PCDHGA2: variants seen among roughly 807,000 people sequenced by gnomAD.
The protein encoded by PCDHGA2 is protocadherin gamma-A2.
PCDHGA2 carries 40 observed loss-of-function variants against 59.2 expected under a neutral mutation model. The observed-to-expected ratio is 0.68, with a 90% CI of 0.52 to 0.88. PCDHGA2 has a LOEUF of 0.88. PCDHGA2 is among the 40% of genes least tolerant of loss of function. The pLI is 0.00. For synonymous variants in PCDHGA2, 560 were observed against 526.0 expected (o/e 1.06, Z -0.89); for missense variants, 1,226 against 1,204.0 (o/e 1.02, Z -0.27).
chr5:141,364,847 A>G (rs572371084), intron 1 of PCDHGA2: 2 of 1,614,006 alleles, frequency 1.2e-6, no homozygotes, highest in Admixed American at 1.7e-5. Flanking sequence ...TTACCAGCTC[A>G]GCTCCAATCT....
chr5:141,417,839 C>A, intron 1 of PCDHGA2: 1 of 1,534,218 alleles, frequency 6.5e-7, no homozygotes, highest in South Asian at 1.2e-5. Flanking sequence ...AGCGGGGACC[C>A]AGCGAGAACC....
At chr5:141,437,197 G>A (rs535640562) in intron 1 of PCDHGA2, among the ~76,000 whole-genome samples, 69 of 152,330 alleles carry the variant, frequency 4.5e-4, no homozygotes, top group Non-Finnish European at 7.8e-4. Flanking sequence ...GGGTTTGGAT[G>A]TGTTTACATT....
At chr5:141,418,732 G>A (rs747081573) in intron 1 of PCDHGA2, 1 of 1,613,994 alleles carries the variant, frequency 6.2e-7, no homozygotes, top group Non-Finnish European at 8.5e-7. Flanking sequence ...CTCAGCACGT[G>A]TTCTCTCTGG....
At chr5:141,445,524 TA>T (rs1180348783) in intron 1 of PCDHGA2, among the ~76,000 whole-genome samples, 1 of 152,192 alleles carries the variant, frequency 6.6e-6, no homozygotes, top group Admixed American at 6.5e-5. Flanking sequence ...ACAGGTCTGA[TA>T]AAAGCCAACA....
Position 141,394,654 on chromosome 5 carries a change from C to G in PCDHGA2, c.2424+53259C>G, listed in dbSNP as rs372355655. On this transcript the variant is annotated intron_variant, in intron 1 of 3. Transcript: ENST00000394576. Reference sequence around the variant, plus strand: ...TACCGCCTGCTCAAGGCCAGCGAGCCGGGACTCTTCTCGGTGGGTCTGCAC... The same window carrying G: ...TACCGCCTGCTCAAGGCCAGCGAGCGGGGACTCTTCTCGGTGGGTCTGCAC... 47 of 1,613,236 alleles carry G rather than the reference C, an allele frequency of 2.9e-5. No homozygotes were observed. The African/African-American group carries it at 5.7e-4, about 20-fold the overall frequency.
At chr5:141,357,087 A>G in intron 1 of PCDHGA2, 2 of 1,613,882 alleles carry the variant, frequency 1.2e-6, no homozygotes, top group Non-Finnish European at 1.7e-6. Context: ...TGCGCACCGC[A>G]CGGGCCCTGC....
chr5:141,438,386 T>C (rs757664430), intron 1 of PCDHGA2, among the ~76,000 whole-genome samples: 1 of 151,778 alleles, frequency 6.6e-6, no homozygotes, highest in Admixed American at 6.6e-5. Flanking sequence ...AATTTCTTAG[T>C]TCATCATTAA....
At chr5:141,365,144 G>A (rs1763761233) in intron 1 of PCDHGA2, 1 of 1,613,746 alleles carries the variant, frequency 6.2e-7, no homozygotes, top group African/African-American at 1.3e-5. Context: ...TCCAGATGAG[G>A]GAATAAACGG....
chr5:141,458,059 T>A (rs533147047), intron 1 of PCDHGA2, among the ~76,000 whole-genome samples: 1 of 152,238 alleles, frequency 6.6e-6, no homozygotes, highest in Admixed American at 6.5e-5. Flanking sequence ...CTTGCTGCAC[T>A]GATGCGAACA....
intron 1 of PCDHGA2, chr5:141,414,187 T>A: frequency 6.2e-7 from 1 of 1,609,834 alleles, no homozygotes; most frequent in South Asian, 1.1e-5. Flanking sequence ...TGCAAAAGTG[T>A]TGATTACAGT....
intron 1 of PCDHGA2, among the ~76,000 whole-genome samples, chr5:141,397,112 A>G (rs2093474994): frequency 6.6e-6 from 1 of 152,258 alleles, no homozygotes; most frequent in African/African-American, 2.4e-5. Flanking sequence ...GCAATCCACT[A>G]GAATATCCCT....
chr5:141,421,863 C>T (rs767555107), intron 1 of PCDHGA2: 1 of 1,613,746 alleles, frequency 6.2e-7, no homozygotes, highest in Non-Finnish European at 8.5e-7. Flanking sequence ...ACCTGCTCCT[C>T]CTCACAGCTT....
chr5:141,394,864 C>T, intron 1 of PCDHGA2: 4 of 1,613,780 alleles, frequency 2.5e-6, no homozygotes, highest in Non-Finnish European at 3.4e-6. Context: ...TCGGTCGACC[C>T]GAACGATTCG....
intron 1 of PCDHGA2, chr5:141,405,493 C>T: frequency 1.2e-6 from 1 of 841,642 alleles, no homozygotes; most frequent in Middle Eastern, 3.1e-4. Flanking sequence ...GATCTCGGCT[C>T]ATTGCAACCT....
At chr5:141,403,577 C>T (rs1188693688) in intron 1 of PCDHGA2, 2 of 1,613,812 alleles carry the variant, frequency 1.2e-6, no homozygotes, top group South Asian at 1.1e-5. Context: ...AACTGCCCAC[C>T]ACCTGGTCCT....
chr5:141,360,729 C>T (rs767195567), intron 1 of PCDHGA2: 2 of 1,613,886 alleles, frequency 1.2e-6, no homozygotes, highest in African/African-American at 1.3e-5. Flanking sequence ...TTCTAAAACA[C>T]TCTCTGGACA....
At chr5:141,409,571 T>A in intron 1 of PCDHGA2, 2 of 1,613,932 alleles carry the variant, frequency 1.2e-6, no homozygotes, top group Non-Finnish European at 1.7e-6. Context: ...CCAGACGTCC[T>A]ACGTGGTCCA....
chr5:141,352,276 C>T lies in PCDHGA2; in HGVS notation c.2424+10881C>T, dbSNP rs753441011. 3.2e-5 allele frequency: 51 copies of T among 1,614,086 alleles called. 1 individual carries two copies. In the South Asian group the frequency reaches 4.8e-4, roughly 15 times the overall value. On this transcript the variant is annotated intron_variant, in intron 1 of 3. Transcript: ENST00000394576. ...TGCAAGAGGTATTGCCAGACCTCAG[C>T]GACCGCCCTGAGCCCTCTGACCCCC...
At chr5:141,474,807 A>C (rs945920397) in intron 1 of PCDHGA2, among the ~76,000 whole-genome samples, 8 of 152,364 alleles carry the variant, frequency 5.3e-5, no homozygotes, top group Admixed American at 1.3e-4. Context: ...AGTGGTTTGC[A>C]TCATTAATTG....
Sources: gnomAD v4.1 joint callset for allele counts (sites outside exome capture counted in the v4.1 genomes callset) on GRCh38, gnomAD v4.1.1 for gene constraint, MANE v1.5 for transcripts, NCBI Gene and HGNC (gene_info 2026-07-23, HGNC 2026-07-21) for gene names.